Variants in IGSF10 observed in about 807,000 individuals in gnomAD.
IGSF10 encodes calvaria mechanical force protein 608.
IGSF10 carries 126 observed loss-of-function variants against 128.2 expected under a neutral mutation model. That is an observed-to-expected ratio of 0.98 (90% CI 0.85 to 1.14). IGSF10 has a LOEUF of 1.14. Ranked by LOEUF, IGSF10 falls within the 50% of genes most tolerant of loss-of-function variation. The probability of loss-of-function intolerance (pLI) is 0.00; values close to 1 mark genes in which losing one functional copy is unlikely to be tolerated. For missense variants in IGSF10, 3,295 were observed against 3,149.8 expected, an observed-to-expected ratio of 1.05 and a Z score of -1.10; for synonymous variants, 1,185 against 1,146.2, an observed-to-expected ratio of 1.03 and a Z score of -0.68.
the IGSF10 span, among the ~76,000 whole-genome samples, chr3:151,532,282 A>C: frequency 6.6e-6 from 1 of 152,342 alleles, no homozygotes; most frequent in Middle Eastern, 3.4e-3. Flanking sequence ...TTCCTTCTGA[A>C]ATTGTTCCTA....
chr3:151,574,573 C>T, the IGSF10 span, among the ~76,000 whole-genome samples: 4 of 152,220 alleles, frequency 2.6e-5, no homozygotes, highest in Non-Finnish European at 4.4e-5. Context: ...TCCATTAGGT[C>T]ATTTAAAGTC....
the IGSF10 span, among the ~76,000 whole-genome samples, chr3:151,511,094 A>G: frequency 6.6e-6 from 1 of 152,138 alleles, no homozygotes; most frequent in Non-Finnish European, 1.5e-5. Context: ...CCAACATTCA[A>G]ATTCAGGAAA....
chr3:151,519,766 A>T, the IGSF10 span, among the ~76,000 whole-genome samples: 1 of 151,822 alleles, frequency 6.6e-6, no homozygotes, highest in Non-Finnish European at 1.5e-5. Context: ...TGTACTGTGA[A>T]TGATAAAGAG....
In IGSF10 at chr3:151,443,186, T is replaced by C. The variant is rs777804061; in HGVS notation, c.5761A>G (p.Ser1921Gly). ...ACTCTTCGCTCCGAACCAGTGGAAC[T>C]GGTAGCAATGCATTCATAAGTGCCC... ...DRGTYECIATSSTGSERRVVM... is the reference protein window; with the variant it reads ...DRGTYECIATGSTGSERRVVM... Residue 1921 changes from serine to glycine, a missense_variant, in exon 7 of 8, where the codon AGT becomes GGT. By Grantham distance (56) the Ser-to-Gly change is moderately conservative. Coordinates refer to ENST00000282466, the MANE Select transcript of IGSF10 (RefSeq NM_178822.5). The C allele has an allele frequency of 6.8e-6, 11 of 1,614,138 alleles. No individual in the cohort carries two copies. Among genetic ancestry groups the C allele is most frequent in the African/African-American group, 1.3e-5 (1 of 74,956 alleles).
chr3:151,437,469 G>A lies in IGSF10; in HGVS notation c.7092C>T (p.Asn2364=). The A allele has an allele frequency of 6.2e-7, 1 of 1,614,132 alleles. No individual in the cohort carries two copies. The highest frequency in any genetic ancestry group is 1.3e-5 in the African/African-American group (1 of 75,036). ...STALNCSVDG[N]PPPEIIWILP... is the part of the protein sequence containing the mutation. ...AAATCCAGATTATTTCAGGTGGTGGGTTACCATCAACAGAGCAATTCAATG... is the reference window on the plus strand; with the variant it reads ...AAATCCAGATTATTTCAGGTGGTGGATTACCATCAACAGAGCAATTCAATG... Residue 2364 remains asparagine (N), a synonymous_variant, in exon 8 of 8, where the codon AAC becomes AAT. Coordinates refer to ENST00000282466, the MANE Select transcript of IGSF10 (RefSeq NM_178822.5).
At chr3:151,611,785 T>C in the IGSF10 span, among the ~76,000 whole-genome samples, 1 of 152,164 alleles carries the variant, frequency 6.6e-6, no homozygotes, top group South Asian at 2.1e-4. Context: ...GCTGCTTGTA[T>C]TTTAACCTGA....
intron 4 of IGSF10, among the ~76,000 whole-genome samples, chr3:151,455,283 G>A (rs1174593514): frequency 6.6e-6 from 1 of 151,598 alleles, no homozygotes; most frequent in Admixed American, 6.6e-5. Context: ...CTAATTTTTT[G>A]TATTATTTAG....
At chr3:151,531,455 T>C in the IGSF10 span, among the ~76,000 whole-genome samples, 1 of 151,912 alleles carries the variant, frequency 6.6e-6, no homozygotes, top group African/African-American at 2.4e-5. Context: ...CCTCAGCAAA[T>C]GAAAAAAATG....
chr3:151,545,900 T>C, the IGSF10 span, among the ~76,000 whole-genome samples: 1 of 152,160 alleles, frequency 6.6e-6, no homozygotes, highest in African/African-American at 2.4e-5. Context: ...TAGGAATCTG[T>C]AGTGCAGGGG....
the IGSF10 span, among the ~76,000 whole-genome samples, chr3:151,537,946 G>T: frequency 6.6e-6 from 1 of 152,166 alleles, no homozygotes; most frequent in African/African-American, 2.4e-5. Context: ...TAGGCCAAAA[G>T]ATTTGAAATC....
the IGSF10 span, among the ~76,000 whole-genome samples, chr3:151,581,896 G>A: frequency 1.3e-5 from 2 of 151,970 alleles, no homozygotes; most frequent in African/African-American, 2.4e-5. Context: ...TATGGTGAAA[G>A]TCTGTCTCCA....
At chr3:151,537,460 A>G in the IGSF10 span, among the ~76,000 whole-genome samples, 3 of 152,230 alleles carry the variant, frequency 2.0e-5, no homozygotes, top group Admixed American at 2.0e-4. Flanking sequence ...TGCACTCTTT[A>G]GATGGAGACA....
chr3:151,458,072 TTGTA>T (rs1342116197), intron 3 of IGSF10, among the ~76,000 whole-genome samples: 4 of 151,954 alleles, frequency 2.6e-5, no homozygotes, highest in African/African-American at 9.7e-5. Context: ...TTAAATAAGT[TTGTA>T]TGGAAAGAAA....
chr3:151,449,249 T>C lies in IGSF10; in HGVS notation c.732A>G (p.Lys244=), dbSNP rs746957165. ...GAGCACTAGAGGGACTTCTATCTTT[T>C]TTGCATTTTATTACATCTGGAAAAA... ...IQEKPDVIKC[K]KDRSPSSAQQ... Residue 244 remains lysine, a synonymous_variant, in exon 6 of 8, where the codon AAA becomes AAG. Transcript: ENST00000282466. 6.3e-7 allele frequency: 1 copy of C among 1,575,004 alleles called. No individual in the cohort carries two copies. The highest frequency in any genetic ancestry group is 1.4e-5 in the African/African-American group (1 of 73,106).
the IGSF10 span, among the ~76,000 whole-genome samples, chr3:151,480,156 C>A: frequency 6.6e-6 from 1 of 152,076 alleles, no homozygotes; most frequent in South Asian, 2.1e-4. Flanking sequence ...TAAATCCTCC[C>A]GCCAAACAGC....
the IGSF10 span, among the ~76,000 whole-genome samples, chr3:151,570,680 A>G: frequency 6.6e-6 from 1 of 152,122 alleles, no homozygotes; most frequent in East Asian, 1.9e-4. Context: ...CCCATTCTGT[A>G]TGTTGCCTGT....
the IGSF10 span, among the ~76,000 whole-genome samples, chr3:151,618,413 A>C: frequency 6.6e-6 from 1 of 152,248 alleles, no homozygotes; most frequent in African/African-American, 2.4e-5. Context: ...CTATTTAGTA[A>C]TGGACATAAA....
At chr3:151,546,932 G>A in the IGSF10 span, among the ~76,000 whole-genome samples, 9 of 151,868 alleles carry the variant, frequency 5.9e-5, no homozygotes, top group East Asian at 1.9e-4. Context: ...CACCACGCCC[G>A]GCTAATTTTT....
At chr3:151,495,941 G>C in the IGSF10 span, among the ~76,000 whole-genome samples, 1 of 152,034 alleles carries the variant, frequency 6.6e-6, no homozygotes, top group African/African-American at 2.4e-5. Context: ...AGATTTGCTG[G>C]ATTTTTACCA....
Sources: allele counts gnomAD v4.1 joint callset (sites outside exome capture counted in the v4.1 genomes callset), GRCh38; gene constraint gnomAD v4.1.1; transcripts MANE v1.5; gene names NCBI Gene and HGNC (gene_info 2026-07-23, HGNC 2026-07-21).